Variants in GABRG3 observed in about 807,000 individuals in gnomAD.
GABRG3 encodes gamma-aminobutyric acid type A receptor subunit gamma3.
In GABRG3, 25 loss-of-function variants were observed where a neutral mutation model predicts 48.8. That is an observed-to-expected ratio of 0.51 (90% CI 0.37 to 0.72). The LOEUF (loss-of-function observed/expected upper bound fraction) is 0.72, where lower values mean the gene tolerates loss of function less well. GABRG3 is among the 30% of genes least tolerant of loss of function. The pLI is 0.00. For synonymous variants in GABRG3, 227 were observed against 217.6 expected, an observed-to-expected ratio of 1.04 and a Z score of -0.38; for missense variants, 394 against 577.9, an observed-to-expected ratio of 0.68 and a Z score of 3.26.
chr15:26,993,805 G>T (rs190574916), intron 2 of GABRG3, among the ~76,000 whole-genome samples: 1 of 152,074 alleles, frequency 6.6e-6, no homozygotes, highest in Non-Finnish European at 1.5e-5. Context: ...GGGCATTGAA[G>T]TCTCCAGCTA....
chr15:27,139,845 T>C lies in GABRG3; in HGVS notation c.270+113024T>C, dbSNP rs532370611. Among the ~76,000 whole-genome samples, 3 of 152,260 alleles carry C rather than the reference T, an allele frequency of 2.0e-5. No individual in the cohort carries two copies. The South Asian group carries it at 6.2e-4, about 32-fold the overall frequency. The stretch of plus-strand genomic sequence containing the variant: ...AGGCAGGATCAAGGGGTTGAGACTT[T>C]TAGCCCCACCCCCAACCACTGGGGA... On this transcript the variant is annotated intron_variant, in intron 3 of 9. Transcript: ENST00000615808.
intron 5 of GABRG3, among the ~76,000 whole-genome samples, chr15:27,370,239 G>C (rs925914010): frequency 6.6e-6 from 1 of 152,132 alleles, no homozygotes; most frequent in African/African-American, 2.4e-5. Flanking sequence ...TTTCAGCTTT[G>C]ACAACCATGA....
rs1169973611 is a variant in GABRG3 at position 27,313,240 on chromosome 15, ATGTGTG to A, written c.271-13551_271-13546del. 1.2e-3 allele frequency among the ~76,000 whole-genome samples: 68 copies of A among 56,858 alleles called. 1 individual carries two copies. The highest frequency in any genetic ancestry group is 4.2e-3 in the East Asian group (10 of 2,382). The allele number at this position is 56,858 out of a possible 152,430, so 37.3% of individuals were successfully genotyped here. ...TGTATATATATACGTATATGTATAT[ATGTGTG>A]TGTGTGTGTGTGTGTGTATATATAT... On this transcript the variant is annotated intron_variant, in intron 3 of 9. Transcript: ENST00000615808.
intron 5 of GABRG3, chr15:27,350,062 C>T (rs779954832): frequency 6.6e-6 from 3 of 455,646 alleles, no homozygotes; most frequent in African/African-American, 2.0e-5. Context: ...TTTATACACA[C>T]AAAATCTCTA....
Position 27,164,972 on chromosome 15 carries a change from G to T in GABRG3, c.270+138151G>T, listed in dbSNP as rs140762485. ...GTTTAGAAAGCCAGTTCCAAAAGCA[G>T]ATCAGTAATCAATCTTGGATAAGAA... On this transcript the variant is annotated intron_variant, in intron 3 of 9. Coordinates refer to ENST00000615808, the MANE Select transcript of GABRG3 (RefSeq NM_033223.5). Among the ~76,000 whole-genome samples, 463 of 152,316 alleles carry T rather than the reference G, an allele frequency of 3.0e-3. 2 individuals carry two copies. The highest frequency in any genetic ancestry group is 5.3e-3 in the Non-Finnish European group (362 of 68,022).
chr15:27,435,008 A>G (rs1198935545), intron 5 of GABRG3, among the ~76,000 whole-genome samples: 3 of 151,968 alleles, frequency 2.0e-5, no homozygotes, highest in African/African-American at 4.8e-5. Flanking sequence ...CAACATGCCA[A>G]GCTCTCTCTG....
chr15:27,001,888 G>GTTTTTTTTTGTT (rs1555397295), intron 2 of GABRG3, among the ~76,000 whole-genome samples: 1 of 121,230 alleles, frequency 8.2e-6, no homozygotes. Context: ...CCATAACTCA[G>GTTTTTTTTTGTT]TTTTTTTTTT....
At chr15:27,326,718 A>G (rs1595679289) in intron 3 of GABRG3, 91 bp from the exon 4 acceptor site, 1 of 1,032,606 alleles carries the variant, frequency 9.7e-7, no homozygotes, top group East Asian at 2.4e-5. Flanking sequence ...GGATGTCAAC[A>G]TGGAGAGAAC....
chr15:27,032,790 C>T (rs535323860), intron 3 of GABRG3, among the ~76,000 whole-genome samples: 71 of 152,220 alleles, frequency 4.7e-4, no homozygotes, highest in African/African-American at 1.5e-3. Context: ...TATCACCTGG[C>T]AATTTTCATT....
At chr15:27,199,067 C>G (rs542729883) in intron 3 of GABRG3, among the ~76,000 whole-genome samples, 1 of 152,162 alleles carries the variant, frequency 6.6e-6, no homozygotes, top group Admixed American at 6.5e-5. Context: ...ATGGGTGCAG[C>G]AAACCACCAT....
intron 6 of GABRG3, 28 bp from the exon 7 acceptor site, chr15:27,519,944 T>C: frequency 6.9e-7 from 1 of 1,442,040 alleles, no homozygotes; most frequent in Non-Finnish European, 9.3e-7. Flanking sequence ...ATCAAAGTTG[T>C]CTTAATTTTG....
chr15:27,284,739 C>A (rs919119882), intron 3 of GABRG3, among the ~76,000 whole-genome samples: 1 of 152,172 alleles, frequency 6.6e-6, no homozygotes, highest in South Asian at 2.1e-4. Context: ...ATTTGACCAG[C>A]GATCTGCAGA....
intron 3 of GABRG3, among the ~76,000 whole-genome samples, chr15:27,188,436 A>G (rs1169843562): frequency 1.1e-4 from 16 of 151,998 alleles, no homozygotes; most frequent in Non-Finnish European, 1.5e-4. Flanking sequence ...GTGTGAGATG[A>G]TATCTCATTG....
At chr15:26,994,235 A>G (rs1895298393) in intron 2 of GABRG3, among the ~76,000 whole-genome samples, 1 of 151,854 alleles carries the variant, frequency 6.6e-6, no homozygotes, top group Admixed American at 6.6e-5. Flanking sequence ...GGACTTACTT[A>G]TGCTGTTTTG....
At chr15:27,415,927 G>A (rs979341243) in intron 5 of GABRG3, among the ~76,000 whole-genome samples, 1 of 152,092 alleles carries the variant, frequency 6.6e-6, no homozygotes, top group Non-Finnish European at 1.5e-5. Flanking sequence ...ATACATAATT[G>A]AGTATTTCCC....
intron 2 of GABRG3, among the ~76,000 whole-genome samples, chr15:27,023,967 T>G (rs1895941977): frequency 6.6e-6 from 1 of 152,242 alleles, no homozygotes; most frequent in South Asian, 2.1e-4. Flanking sequence ...GCACTTGTTA[T>G]TTTCTGTTGC....
At chr15:27,019,984 C>T (rs780200887) in intron 2 of GABRG3, among the ~76,000 whole-genome samples, 2 of 152,138 alleles carry the variant, frequency 1.3e-5, no homozygotes, top group East Asian at 1.9e-4. Context: ...TTCTATTCTG[C>T]GTTTAATTCC....
intron 3 of GABRG3, among the ~76,000 whole-genome samples, chr15:27,146,529 TTTTA>T (rs1295599284): frequency 5.3e-5 from 8 of 152,116 alleles, no homozygotes; most frequent in Non-Finnish European, 1.0e-4. Flanking sequence ...CCCTCAATAT[TTTTA>T]TTTGTTTTAT....
intron 3 of GABRG3, among the ~76,000 whole-genome samples, chr15:27,160,780 T>A (rs1887154292): frequency 6.6e-6 from 1 of 152,122 alleles, no homozygotes; most frequent in Non-Finnish European, 1.5e-5. Context: ...CCTACTGGCC[T>A]CTCATGAATA....
Sources: gnomAD v4.1 joint callset for allele counts (sites outside exome capture counted in the v4.1 genomes callset) on GRCh38, gnomAD v4.1.1 for gene constraint, MANE v1.5 for transcripts, NCBI Gene and HGNC (gene_info 2026-07-23, HGNC 2026-07-21) for gene names.